The following CYP39A1 variants were observed in gnomAD, a reference collection of about 807,000 sequenced individuals.
CYP39A1 encodes the protein cytochrome P450 family 39 subfamily A member 1, also known as 24-hydroxycholesterol 7-alpha-hydroxylase.
A neutral mutation model predicts 58.1 loss-of-function variants in CYP39A1; 49 were observed. That is an observed-to-expected ratio of 0.84 (90% CI 0.67 to 1.07). The LOEUF (loss-of-function observed/expected upper bound fraction) is 1.07, where lower values mean the gene tolerates loss of function less well. Ranked by LOEUF, CYP39A1 falls within the 50% of genes least tolerant of loss-of-function variation. CYP39A1 has a pLI of 0.00. For missense variants in CYP39A1, 531 were observed against 539.4 expected (o/e 0.98, Z 0.16); for synonymous variants, 209 against 187.6 (o/e 1.11, Z -0.93).
intron 4 of CYP39A1, 62 bp downstream of exon 4, chr6:46,637,767 A>G: frequency 6.5e-7 from 1 of 1,533,888 alleles, no homozygotes; most frequent in Non-Finnish European, 8.9e-7. Context: ...CAGAAAAATG[A>G]GAGGTGTTGA....
Position 46,642,097 on chromosome 6 carries a change from T to C in CYP39A1, c.313+66A>G, listed in dbSNP as rs536347343. The C allele has an allele frequency of 2.0e-5, 31 of 1,548,226 alleles. No homozygotes were observed. In the South Asian group the frequency reaches 3.4e-4, roughly 17 times the overall value. ...TGATAGAGGAATGAGGATGTAATTT[T>C]TACCTAAAACTACTCCTGGATTCCA... is the stretch of plus-strand genomic sequence containing the variant. On this transcript the variant is annotated intron_variant, in intron 2 of 11. Transcript: ENST00000275016.
intron 7 of CYP39A1, among the ~76,000 whole-genome samples, chr6:46,597,221 T>G (rs1299702476): frequency 1.3e-5 from 2 of 152,082 alleles, no homozygotes; most frequent in African/African-American, 4.8e-5. Context: ...GACAGATTCT[T>G]AAGTACCACG....
chr6:46,637,414 T>C (rs1314711290), intron 4 of CYP39A1, among the ~76,000 whole-genome samples: 1 of 152,224 alleles, frequency 6.6e-6, no homozygotes, highest in South Asian at 2.1e-4. Flanking sequence ...TACAAACATT[T>C]GTCTGAACCA....
chr6:46,595,077 A>T (rs1773067312), intron 8 of CYP39A1, among the ~76,000 whole-genome samples: 1 of 152,022 alleles, frequency 6.6e-6, no homozygotes, highest in Non-Finnish European at 1.5e-5. Flanking sequence ...CAACATTACT[A>T]ATCATCAAGA....
chr6:46,579,025 C>A (rs987723646), intron 10 of CYP39A1, among the ~76,000 whole-genome samples: 2 of 151,998 alleles, frequency 1.3e-5, no homozygotes, highest in Non-Finnish European at 2.9e-5. Flanking sequence ...AAACTTCAAG[C>A]CAATATTGCT....
At chr6:46,614,866 G>C (rs763495958) in intron 7 of CYP39A1, among the ~76,000 whole-genome samples, 1 of 152,156 alleles carries the variant, frequency 6.6e-6, no homozygotes, top group Non-Finnish European at 1.5e-5. Flanking sequence ...GAACTGGTCT[G>C]GCAAGCATGA....
At chr6:46,640,234 T>C (rs1050388143) in intron 2 of CYP39A1, among the ~76,000 whole-genome samples, 1 of 152,210 alleles carries the variant, frequency 6.6e-6, no homozygotes, top group African/African-American at 2.4e-5. Flanking sequence ...TCCCTCAAAA[T>C]CTACAGTCCA....
At chr6:46,652,315 G>T in intron 1 of CYP39A1, 91 bp downstream of exon 1, 1 of 1,287,606 alleles carries the variant, frequency 7.8e-7, no homozygotes, top group Non-Finnish European at 1.1e-6. Flanking sequence ...TGTTCCCCGT[G>T]TTCTAGCCCT....
intron 8 of CYP39A1, among the ~76,000 whole-genome samples, chr6:46,594,537 G>T (rs892073783): frequency 6.6e-5 from 10 of 151,916 alleles, no homozygotes; most frequent in Non-Finnish European, 8.8e-5. Context: ...GTCAACAAAG[G>T]TTCCAAGAAC....
rs556342980 is a variant in CYP39A1, at chr6:46,549,858, A to G, written c.*508T>C. 6.6e-6 allele frequency: 1 copy of G among 152,656 alleles called. No homozygotes were observed. The highest frequency in any genetic ancestry group is 2.4e-5 in the African/African-American group (1 of 41,586). The allele number at this position is 152,656 out of a possible 1,614,324, so 9.5% of individuals were successfully genotyped here. ...TACTTTTAGCATTAGATACGTTTAC[A>G]ATAAAGAATTATGTTAATAGAGCCT... On this transcript the variant is annotated 3_prime_UTR_variant, in exon 12 of 12. Coordinates refer to ENST00000275016, the MANE Select transcript of CYP39A1 (RefSeq NM_016593.5).
chr6:46,585,047 G>A (rs1478893596), intron 10 of CYP39A1, among the ~76,000 whole-genome samples: 2 of 152,076 alleles, frequency 1.3e-5, no homozygotes, highest in Non-Finnish European at 1.5e-5. Context: ...CTAAAAATAC[G>A]TAGTTTCTGT....
chr6:46,577,935 C>A (rs1771925530), intron 10 of CYP39A1, among the ~76,000 whole-genome samples: 1 of 152,032 alleles, frequency 6.6e-6, no homozygotes, highest in Non-Finnish European at 1.5e-5. Flanking sequence ...ATGGACCAAA[C>A]AGACATCTAC....
chr6:46,601,665 CTATTATTATTAT>C (rs3085597), intron 7 of CYP39A1, among the ~76,000 whole-genome samples: 23 of 145,398 alleles, frequency 1.6e-4, no homozygotes, highest in African/African-American at 2.3e-4. Flanking sequence ...CTCAGGTTAC[CTATTATTATTAT>C]TATTATTATT....
intron 10 of CYP39A1, among the ~76,000 whole-genome samples, chr6:46,573,077 T>C (rs1431451178): frequency 1.3e-5 from 2 of 152,172 alleles, no homozygotes; most frequent in African/African-American, 4.8e-5. Flanking sequence ...ATTGATATTA[T>C]TGAGTTCTCT....
At chr6:46,591,472 C>A (rs906969204) in intron 8 of CYP39A1, among the ~76,000 whole-genome samples, 1 of 152,098 alleles carries the variant, frequency 6.6e-6, no homozygotes, top group African/African-American at 2.4e-5. Flanking sequence ...TAAAATCAGG[C>A]AGTCCTCTTC....
intron 8 of CYP39A1, among the ~76,000 whole-genome samples, chr6:46,593,338 G>T (rs1772954758): frequency 6.6e-6 from 1 of 151,932 alleles, no homozygotes; most frequent in Admixed American, 6.6e-5. Flanking sequence ...GAGGTTAATA[G>T]CCCCAACAAA....
At position 46,649,948 on chromosome 6, in the gene CYP39A1, T is replaced by G. The variant is rs550944831; in HGVS notation, c.177+2458A>C. Among the ~76,000 whole-genome samples the G allele has an allele frequency of 7.3e-4, 111 of 152,142 alleles. 1 individual carries two copies. Among genetic ancestry groups the G allele is most frequent in the Middle Eastern group, 3.4e-3 (1 of 294 alleles). On this transcript the variant is annotated intron_variant, in intron 1 of 11. Coordinates refer to ENST00000275016, the MANE Select transcript of CYP39A1 (RefSeq NM_016593.5). ...TTAGCTAATGATGGAGTTTTAGAAGTTTTTTCTTGAAGGTTCAATACGCCA... is the reference window on the plus strand; with the variant it reads ...TTAGCTAATGATGGAGTTTTAGAAGGTTTTTCTTGAAGGTTCAATACGCCA...
At chr6:46,633,587 G>A (rs1028506844) in intron 5 of CYP39A1, among the ~76,000 whole-genome samples, 15 of 151,976 alleles carry the variant, frequency 9.9e-5, no homozygotes, top group African/African-American at 3.6e-4. Flanking sequence ...GGCCAGGCAC[G>A]GTGGCTCACG....
chr6:46,572,799 A>G (rs1033043000), intron 10 of CYP39A1, among the ~76,000 whole-genome samples: 8 of 152,006 alleles, frequency 5.3e-5, no homozygotes, highest in African/African-American at 1.5e-4. Flanking sequence ...TGATGCATAC[A>G]TTGGTTTCAT....
Sources: allele counts gnomAD v4.1 joint callset (sites outside exome capture counted in the v4.1 genomes callset), GRCh38; gene constraint gnomAD v4.1.1; transcripts MANE v1.5; gene names NCBI Gene and HGNC (gene_info 2026-07-23, HGNC 2026-07-21).